The following SV2C variants were observed in gnomAD, a reference collection of about 807,000 sequenced individuals.
SV2C encodes solute carrier family 22 member B3.
Under a neutral mutation model 79.7 loss-of-function variants are expected in SV2C, and 49 were observed. The observed-to-expected ratio is 0.61, with a 90% confidence interval of 0.49 to 0.78. SV2C has a LOEUF of 0.78. Among genes scored for constraint, SV2C ranks in the 30% least tolerant of loss-of-function variants. SV2C has a pLI of 0.00. For missense variants in SV2C, 833 were observed against 912.9 expected (o/e 0.91, Z 1.13); for synonymous variants, 334 against 333.2 (o/e 1.00, Z -0.03).
At chr5:76,009,909 G>A in the SV2C span, among the ~76,000 whole-genome samples, 3 of 149,754 alleles carry the variant, frequency 2.0e-5, no homozygotes, top group Admixed American at 6.7e-5. Context: ...TCAAATAAAA[G>A]TGAAAAATAA....
chr5:76,015,316 TA>T, the SV2C span, among the ~76,000 whole-genome samples: 65,243 of 151,912 alleles, frequency 0.43, 16,779 homozygotes, highest in Middle Eastern at 0.59. Context: ...GAACAAAAAA[TA>T]AAGCCAAACA....
chr5:76,085,731 G>C (rs1487555034), intron 1 of SV2C, among the ~76,000 whole-genome samples: 1 of 151,892 alleles, frequency 6.6e-6, no homozygotes, highest in East Asian at 1.9e-4. Flanking sequence ...GTACCTTACA[G>C]GGTTGTTTTG....
chr5:76,270,966 A>C (rs1428935519), intron 4 of SV2C, among the ~76,000 whole-genome samples: 1 of 151,932 alleles, frequency 6.6e-6, no homozygotes, highest in African/African-American at 2.4e-5. Context: ...ACGGGGTTTC[A>C]CCATGTTGGC....
the SV2C span, among the ~76,000 whole-genome samples, chr5:75,991,499 A>G: frequency 6.7e-6 from 1 of 150,298 alleles, no homozygotes; most frequent in African/African-American, 2.4e-5. Context: ...CTTTATTTGG[A>G]GAGTACCTAT....
At chr5:76,342,861 T>C (rs1381632198) in intron 12 of SV2C, among the ~76,000 whole-genome samples, 2 of 151,824 alleles carry the variant, frequency 1.3e-5, no homozygotes, top group African/African-American at 2.4e-5. Context: ...TTGGTATACA[T>C]AGAACACATT....
At chr5:76,334,873 G>A (rs1719707159), downstream of SV2C, among the ~76,000 whole-genome samples, 2 of 152,156 alleles carry the variant, frequency 1.3e-5, no homozygotes, top group African/African-American at 4.8e-5. Flanking sequence ...CTCTCCTGAA[G>A]CACATGGCTC....
chr5:75,867,664 T>C, the SV2C span, among the ~76,000 whole-genome samples: 1 of 152,228 alleles, frequency 6.6e-6, no homozygotes, highest in East Asian at 1.9e-4. Flanking sequence ...GTTTCTTACA[T>C]AAGAAGAATT....
intron 4 of SV2C, among the ~76,000 whole-genome samples, chr5:76,252,943 A>G (rs1335869426): frequency 6.6e-6 from 1 of 152,260 alleles, no homozygotes; most frequent in Non-Finnish European, 1.5e-5. Flanking sequence ...TAAATATCCA[A>G]TACAACTTTA....
chr5:75,883,970 G>A, the SV2C span, among the ~76,000 whole-genome samples: 4 of 152,014 alleles, frequency 2.6e-5, no homozygotes, highest in African/African-American at 9.7e-5. Context: ...TTTCACAATG[G>A]TATTATTTAT....
At chr5:76,022,262 C>T in the SV2C span, among the ~76,000 whole-genome samples, 1 of 152,160 alleles carries the variant, frequency 6.6e-6, no homozygotes, top group African/African-American at 2.4e-5. Context: ...AAGTATCTTC[C>T]CAAGTACCTG....
chr5:76,228,522 T>C (rs1277178466), intron 4 of SV2C, among the ~76,000 whole-genome samples: 1 of 152,008 alleles, frequency 6.6e-6, no homozygotes, highest in Non-Finnish European at 1.5e-5. Context: ...ACGGAGCAGC[T>C]AGAAAATTAA....
chr5:75,973,566 A>G, the SV2C span, among the ~76,000 whole-genome samples: 1 of 152,038 alleles, frequency 6.6e-6, no homozygotes, highest in Non-Finnish European at 1.5e-5. Context: ...CAGCTTATCA[A>G]TTGAAAGATA....
chr5:76,310,198 A>G (rs1473904963), intron 12 of SV2C, among the ~76,000 whole-genome samples: 4 of 152,246 alleles, frequency 2.6e-5, no homozygotes, highest in Non-Finnish European at 5.9e-5. Context: ...CAACAAACAG[A>G]TAAGTAAAGT....
chr5:76,097,663 T>G (rs1747608748), intron 1 of SV2C, among the ~76,000 whole-genome samples: 2 of 152,226 alleles, frequency 1.3e-5, no homozygotes, highest in African/African-American at 4.8e-5. Flanking sequence ...TATTATTTAA[T>G]AAGGCATTGC....
chr5:76,088,285 A>G (rs886865106), intron 1 of SV2C, among the ~76,000 whole-genome samples: 2 of 152,244 alleles, frequency 1.3e-5, no homozygotes, highest in Non-Finnish European at 2.9e-5. Flanking sequence ...TTAGATAAAC[A>G]ATAAAAATTT....
chr5:76,352,940 C>CTTTTTTTTTTTTTTTTTCTTT (rs556688242), intron 12 of SV2C, among the ~76,000 whole-genome samples: 1 of 136,538 alleles, frequency 7.3e-6, no homozygotes. Context: ...ATTTTTACCT[C>CTTTTTTTTTTTTTTTTTCTTT]TTTTTTTTTT....
At chr5:76,053,650 T>C in the SV2C span, among the ~76,000 whole-genome samples, 9,084 of 152,226 alleles carry the variant, frequency 0.06, 892 homozygotes, top group African/African-American at 0.2. Context: ...ATCCATGGTG[T>C]TTTTTGTTTG....
intron 12 of SV2C, among the ~76,000 whole-genome samples, chr5:76,304,162 C>T (rs1202589099): frequency 6.6e-6 from 1 of 152,236 alleles, no homozygotes; most frequent in African/African-American, 2.4e-5. Context: ...ACCGCGGTCA[C>T]GCTGTTGCTG....
chr5:76,034,519 G>C, the SV2C span, among the ~76,000 whole-genome samples: 1 of 152,152 alleles, frequency 6.6e-6, no homozygotes, highest in Non-Finnish European at 1.5e-5. Context: ...TGTGGTTTTT[G>C]TCTTTGGCTC....
Sources: allele counts gnomAD v4.1 joint callset (sites outside exome capture counted in the v4.1 genomes callset), GRCh38; gene constraint gnomAD v4.1.1; transcripts MANE v1.5; gene names NCBI Gene and HGNC (gene_info 2026-07-23, HGNC 2026-07-21).